Variants in PCSK5 observed in about 807,000 individuals in gnomAD.
PCSK5 encodes proprotein convertase subtilisin/kexin type 5, also known as prohormone convertase 5.
A neutral mutation model predicts 233.2 loss-of-function variants in PCSK5; 129 were observed. That is an observed-to-expected ratio of 0.55 (90% CI 0.48 to 0.64). The LOEUF (loss-of-function observed/expected upper bound fraction) is 0.64, where lower values mean the gene tolerates loss of function less well. Ranked by LOEUF, PCSK5 falls within the 30% of genes least tolerant of loss-of-function variation. The pLI, the probability that PCSK5 is intolerant of heterozygous loss-of-function variation, is 0.00. For synonymous variants in PCSK5, 825 were observed against 879.2 expected, an observed-to-expected ratio of 0.94 and a Z score of 1.09; for missense variants, 2,076 against 2,430.1, an observed-to-expected ratio of 0.85 and a Z score of 3.06.
intron 24 of PCSK5, among the ~76,000 whole-genome samples, chr9:76,254,935 T>G (rs1418787393): frequency 2.6e-5 from 4 of 152,236 alleles, no homozygotes; most frequent in Non-Finnish European, 4.4e-5. Context: ...TGCTGATACC[T>G]ACTCCCAATG....
intron 33 of PCSK5, among the ~76,000 whole-genome samples, chr9:76,331,591 C>T (rs1248336622): frequency 6.6e-6 from 1 of 150,688 alleles, no homozygotes; most frequent in Non-Finnish European, 1.5e-5. Flanking sequence ...GGTGTGAACC[C>T]GGAAGGTGGA....
intron 2 of PCSK5, among the ~76,000 whole-genome samples, chr9:75,974,616 C>T (rs992744325): frequency 3.0e-4 from 46 of 151,982 alleles, no homozygotes; most frequent in African/African-American, 1.0e-3. Context: ...TGCAAAACAC[C>T]CCTGCCCTTT....
At chr9:76,191,060 T>C (rs550110223) in intron 20 of PCSK5, among the ~76,000 whole-genome samples, 86 of 145,926 alleles carry the variant, frequency 5.9e-4, no homozygotes, top group African/African-American at 2.1e-3. Flanking sequence ...TGTGAACTTT[T>C]TTGACTCTTG....
intron 5 of PCSK5, among the ~76,000 whole-genome samples, chr9:76,050,935 T>C (rs1416502994): frequency 6.6e-6 from 1 of 152,134 alleles, no homozygotes; most frequent in Non-Finnish European, 1.5e-5. Context: ...TTGTAAAGAA[T>C]GAGCCATATG....
intron 2 of PCSK5, among the ~76,000 whole-genome samples, chr9:75,944,208 C>CAT (rs1192101871): frequency 2.7e-5 from 4 of 149,690 alleles, no homozygotes; most frequent in Admixed American, 2.0e-4. Flanking sequence ...TACACATATA[C>CAT]ATATATATAT....
At chr9:76,096,862 A>G (rs1831535811) in intron 8 of PCSK5, among the ~76,000 whole-genome samples, 1 of 151,802 alleles carries the variant, frequency 6.6e-6, no homozygotes, top group African/African-American at 2.4e-5. Context: ...CAGCTTCCCA[A>G]AGTTCTGGGA....
Position 75,945,823 on chromosome 9 carries a change from A to G in PCSK5, c.297+13340A>G, listed in dbSNP as rs76558015. Among the ~76,000 whole-genome samples the G allele has an allele frequency of 3.7e-3, 560 of 152,200 alleles. 1 individual carries two copies. The highest frequency in any genetic ancestry group is 0.013 in the African/African-American group (532 of 41,534). On this transcript the variant is annotated intron_variant, in intron 2 of 37. Coordinates refer to ENST00000674117, the MANE Select transcript of PCSK5 (RefSeq NM_001372043.1). The stretch of plus-strand genomic sequence containing the variant: ...GGAATATGCTTCCTTTGGTCTTTGT[A>G]TGATGGATGCCTTCTCAGCCTTCAT...
chr9:76,238,525 T>C (rs527858219), intron 22 of PCSK5, among the ~76,000 whole-genome samples: 4 of 152,356 alleles, frequency 2.6e-5, no homozygotes, highest in African/African-American at 9.6e-5. Flanking sequence ...TTTTAAAAGA[T>C]TGCACTTTCA....
At chr9:76,315,898 C>T (rs1829011418) in intron 30 of PCSK5, among the ~76,000 whole-genome samples, 1 of 139,396 alleles carries the variant, frequency 7.2e-6, no homozygotes. Context: ...TCCCAAAGTG[C>T]TAGGATTACA....
chr9:76,000,857 T>G (rs1827230879), intron 3 of PCSK5, among the ~76,000 whole-genome samples: 1 of 152,224 alleles, frequency 6.6e-6, no homozygotes, highest in African/African-American at 2.4e-5. Flanking sequence ...CTTCCATTAT[T>G]ATCTTGCATA....
At chr9:75,976,600 CA>C (rs931682459) in intron 2 of PCSK5, among the ~76,000 whole-genome samples, 46 of 140,710 alleles carry the variant, frequency 3.3e-4, no homozygotes, top group South Asian at 8.9e-4. Flanking sequence ...AAAGTAAAGC[CA>C]AAAAAAAAAA....
chr9:75,912,724 A>T (rs1210140689), intron 1 of PCSK5, among the ~76,000 whole-genome samples: 2 of 152,240 alleles, frequency 1.3e-5, no homozygotes, highest in African/African-American at 4.8e-5. Flanking sequence ...GAGAATGTGT[A>T]CATACATACA....
intron 24 of PCSK5, among the ~76,000 whole-genome samples, chr9:76,253,845 T>A (rs530917010): frequency 6.6e-6 from 1 of 152,356 alleles, no homozygotes; most frequent in Admixed American, 6.5e-5. Flanking sequence ...ACCTTGTGCA[T>A]AACTTTGCTC....
chr9:76,338,479 C>A (rs576543101), intron 35 of PCSK5, 32 bp downstream of exon 35: 1 of 1,472,066 alleles, frequency 6.8e-7, no homozygotes, highest in Non-Finnish European at 9.5e-7. Flanking sequence ...TGCATGAGTG[C>A]GTAGAAAAAT....
At chr9:75,930,064 T>C (rs1210086505) in intron 1 of PCSK5, among the ~76,000 whole-genome samples, 1 of 152,118 alleles carries the variant, frequency 6.6e-6, no homozygotes, top group Admixed American at 6.6e-5. Context: ...GGTTTCACCA[T>C]GTTGGGCAGG....
intron 1 of PCSK5, among the ~76,000 whole-genome samples, chr9:75,895,858 G>A (rs1489191035): frequency 6.6e-6 from 1 of 152,194 alleles, no homozygotes; most frequent in East Asian, 1.9e-4. Flanking sequence ...CCACCCTGCT[G>A]ATTAATTTTG....
intron 20 of PCSK5, chr9:76,194,264 A>G (rs747612410): frequency 6.6e-6 from 1 of 152,070 alleles, no homozygotes; most frequent in African/African-American, 2.4e-5. Context: ...GGCCATCTGA[A>G]ATTCCATTTG....
chr9:76,302,983 TGTG>T (rs1828662416), intron 28 of PCSK5, among the ~76,000 whole-genome samples: 1 of 78,114 alleles, frequency 1.3e-5, no homozygotes, highest in Non-Finnish European at 2.7e-5. Flanking sequence ...TTTTTTTTTT[TGTG>T]GTCCTGTCCA....
At position 76,350,947 on chromosome 9, in the gene PCSK5, C is replaced by T. The variant is rs1412345365; in HGVS notation, c.5067+19C>T. The T allele has an allele frequency of 7.8e-7, 1 of 1,282,462 alleles. No homozygotes were observed. Among genetic ancestry groups the T allele is most frequent in the Middle Eastern group, 1.9e-4 (1 of 5,370 alleles). The allele number at this position is 1,282,462 out of a possible 1,614,324, so 79.4% of individuals were successfully genotyped here. ...GGGAGAGGTATGGAGGGCTGGGGGT[C>T]CTGGGCCTTCTGCTCTTTCTAGAGG... On this transcript the variant is annotated intron_variant, in intron 36 of 37. Coordinates refer to ENST00000674117, the MANE Select transcript of PCSK5 (RefSeq NM_001372043.1).
Sources: gnomAD v4.1 joint callset for allele counts (sites outside exome capture counted in the v4.1 genomes callset) on GRCh38, gnomAD v4.1.1 for gene constraint, MANE v1.5 for transcripts, NCBI Gene and HGNC (gene_info 2026-07-23, HGNC 2026-07-21) for gene names.